CSMD1: variants seen among roughly 807,000 people sequenced by gnomAD.
The protein encoded by CSMD1 is CUB and Sushi multiple domains 1.
In CSMD1, 213 loss-of-function variants were observed where a neutral mutation model predicts 417.5. That is an observed-to-expected ratio of 0.51 (90% CI 0.46 to 0.57). The LOEUF (loss-of-function observed/expected upper bound fraction) is 0.57. Ranked by LOEUF, CSMD1 falls within the 20% of genes least tolerant of loss-of-function variation. The pLI, the probability that CSMD1 is intolerant of heterozygous loss-of-function variation, is 0.00. For missense variants in CSMD1, 6,923 were observed against 4,529.7 expected, an observed-to-expected ratio of 1.53 and a Z score of -15.17; for synonymous variants, 2,862 against 1,736.8, an observed-to-expected ratio of 1.65 and a Z score of -16.11.
intron 33 of CSMD1, among the ~76,000 whole-genome samples, chr8:3,192,148 G>A (rs954502489): frequency 1.1e-4 from 17 of 152,112 alleles, no homozygotes; most frequent in African/African-American, 4.1e-4. Context: ...TCTATCAGAA[G>A]GCAAAATTAA....
At chr8:4,406,643 G>T (rs1338674329) in intron 3 of CSMD1, among the ~76,000 whole-genome samples, 2 of 152,084 alleles carry the variant, frequency 1.3e-5, no homozygotes, top group African/African-American at 4.8e-5. Context: ...CACACAACAG[G>T]AAGCATGGGC....
chr8:3,333,879 C>T (rs1251116854), intron 23 of CSMD1, among the ~76,000 whole-genome samples: 1 of 152,094 alleles, frequency 6.6e-6, no homozygotes, highest in Non-Finnish European at 1.5e-5. Context: ...ACATCACAAC[C>T]AAGAATGTCT....
At chr8:4,839,704 A>G (rs921952) in intron 1 of CSMD1, among the ~76,000 whole-genome samples, 73,130 of 152,084 alleles carry the variant, frequency 0.48, 18,760 homozygotes, top group East Asian at 0.7. Context: ...GAACTCAAAG[A>G]TAAGTACAAT....
intron 1 of CSMD1, among the ~76,000 whole-genome samples, chr8:4,676,098 G>T (rs945374924): frequency 2.0e-5 from 3 of 152,154 alleles, no homozygotes; most frequent in Non-Finnish European, 4.4e-5. Context: ...CCATATTGCT[G>T]AGTGGTAATT....
intron 10 of CSMD1, among the ~76,000 whole-genome samples, chr8:3,561,963 G>C (rs1005427273): frequency 1.3e-5 from 2 of 152,152 alleles, no homozygotes; most frequent in African/African-American, 4.8e-5. Flanking sequence ...GTGCCTGTGT[G>C]CACTGCAGGG....
At chr8:4,224,983 G>C (rs1415313092) in intron 3 of CSMD1, among the ~76,000 whole-genome samples, 1 of 152,124 alleles carries the variant, frequency 6.6e-6, no homozygotes, top group Non-Finnish European at 1.5e-5. Context: ...GTGGTGCCGT[G>C]CACCTGAAAT....
intron 3 of CSMD1, among the ~76,000 whole-genome samples, chr8:4,127,853 G>C (rs1358531808): frequency 6.6e-6 from 1 of 152,076 alleles, no homozygotes; most frequent in East Asian, 1.9e-4. Context: ...CTGTTTTGCA[G>C]ATGAAGAAAC....
At chr8:4,609,324 C>G (rs1801046606) in intron 2 of CSMD1, among the ~76,000 whole-genome samples, 1 of 152,110 alleles carries the variant, frequency 6.6e-6, no homozygotes. Context: ...TTGCTGGAGC[C>G]TGGGAGGCAG....
At chr8:4,006,263 G>T (rs1395902312) in intron 4 of CSMD1, among the ~76,000 whole-genome samples, 1 of 152,134 alleles carries the variant, frequency 6.6e-6, no homozygotes, top group Non-Finnish European at 1.5e-5. Context: ...TCACCCACAG[G>T]ATCATGACTC....
rs1160400581 is a variant in CSMD1, at chr8:3,223,682, G to A, written c.4484+47C>T. On this transcript the variant is annotated intron_variant, in intron 28 of 69. Transcript: ENST00000635120. ...CATAAAAGAAGTAATTTTTAGGTAT[G>A]GAATTAAAAATCCTACTAAAAAGAG... is the stretch of plus-strand genomic sequence containing the variant. 4 of 1,590,364 alleles carry A rather than the reference G, an allele frequency of 2.5e-6. No individual in the cohort carries two copies. In the African/African-American group the frequency reaches 4.0e-5, roughly 16 times the overall value.
intron 5 of CSMD1, among the ~76,000 whole-genome samples, chr8:3,807,412 G>C (rs548555810): frequency 3.6e-5 from 5 of 140,680 alleles, no homozygotes; most frequent in East Asian, 4.3e-4. Context: ...ATTCAGCAGA[G>C]GATGTTTTCT....
intron 2 of CSMD1, among the ~76,000 whole-genome samples, chr8:4,606,560 C>T (rs928181383): frequency 6.6e-6 from 1 of 152,162 alleles, no homozygotes; most frequent in African/African-American, 2.4e-5. Flanking sequence ...TGCTGAAACA[C>T]AGCACTGTTC....
rs145243469 is a variant in CSMD1 at position 3,291,144 on chromosome 8, T to C, written c.3951-6798A>G. Among the ~76,000 whole-genome samples the C allele has an allele frequency of 1.4e-3, 218 of 152,350 alleles. 1 individual carries two copies. The highest frequency in any genetic ancestry group is 6.8e-3 in the Middle Eastern group (2 of 294). On this transcript the variant is annotated intron_variant, in intron 25 of 69. Coordinates refer to ENST00000635120, the MANE Select transcript of CSMD1 (RefSeq NM_033225.6). ...GATTACATTTATTGATTTTCGTATG[T>C]TGAAGCAGCCTTGCATCCCAGGGAT...
intron 1 of CSMD1, among the ~76,000 whole-genome samples, chr8:4,841,775 G>T (rs1436699272): frequency 1.3e-5 from 2 of 151,814 alleles, no homozygotes; most frequent in Non-Finnish European, 2.9e-5. Context: ...GCTGGGCGTG[G>T]TGGCACATGC....
chr8:3,515,410 G>C (rs1382498400), intron 10 of CSMD1: 2 of 152,208 alleles, frequency 1.3e-5, no homozygotes, highest in Non-Finnish European at 2.9e-5. Flanking sequence ...TGTTGGTGAA[G>C]TTTAGACACT....
intron 5 of CSMD1, among the ~76,000 whole-genome samples, chr8:3,911,268 T>G (rs773572844): frequency 2.6e-4 from 40 of 152,186 alleles, no homozygotes; most frequent in Non-Finnish European, 8.8e-5. Flanking sequence ...TCATTTTTCT[T>G]TTGTTTAACT....
At chr8:3,881,994 G>C (rs1435756186) in intron 5 of CSMD1, among the ~76,000 whole-genome samples, 2 of 152,014 alleles carry the variant, frequency 1.3e-5, no homozygotes, top group African/African-American at 2.4e-5. Context: ...CCAATCACGA[G>C]AGAATATTCT....
intron 3 of CSMD1, among the ~76,000 whole-genome samples, chr8:4,070,054 C>T (rs892787744): frequency 6.6e-6 from 1 of 151,896 alleles, no homozygotes; most frequent in Non-Finnish European, 1.5e-5. Context: ...TTTAACTATA[C>T]TTTTCGCAGT....
chr8:3,807,943 G>A (rs1026528992), intron 5 of CSMD1, among the ~76,000 whole-genome samples: 3 of 152,088 alleles, frequency 2.0e-5, no homozygotes, highest in African/African-American at 4.8e-5. Context: ...GAGGCTAGGT[G>A]GCTTGCATAA....
Sources: allele counts gnomAD v4.1 joint callset (sites outside exome capture counted in the v4.1 genomes callset), GRCh38; gene constraint gnomAD v4.1.1; transcripts MANE v1.5; gene names NCBI Gene and HGNC (gene_info 2026-07-23, HGNC 2026-07-21).